The following CLASP2 variants were observed in gnomAD, a reference collection of about 807,000 sequenced individuals.
CLASP2 encodes the protein CLIP-associating protein 2.
Under a neutral mutation model 194.4 loss-of-function variants are expected in CLASP2, and 47 were observed. That is an observed-to-expected ratio of 0.24 (90% CI 0.19 to 0.31). The LOEUF (loss-of-function observed/expected upper bound fraction) is 0.31, where lower values mean the gene tolerates loss of function less well. Ranked by LOEUF, CLASP2 falls within the 10% of genes least tolerant of loss-of-function variation. CLASP2 has a pLI of 1.00. For missense variants in CLASP2, 1,445 were observed against 1,823.6 expected, an observed-to-expected ratio of 0.79 and a Z score of 3.78; for synonymous variants, 619 against 633.5, an observed-to-expected ratio of 0.98 and a Z score of 0.34.
intron 23 of CLASP2, among the ~76,000 whole-genome samples, chr3:33,579,946 G>A (rs1276126025): frequency 6.6e-6 from 1 of 152,144 alleles, no homozygotes; most frequent in Non-Finnish European, 1.5e-5. Flanking sequence ...ATATCCATGA[G>A]GATGCACCAC....
chr3:33,549,929 G>C (rs896785738), intron 30 of CLASP2, among the ~76,000 whole-genome samples: 1 of 151,678 alleles, frequency 6.6e-6, no homozygotes, highest in Non-Finnish European at 1.5e-5. Flanking sequence ...CAGAGACAGG[G>C]TTTCTCCACG....
intron 34 of CLASP2, among the ~76,000 whole-genome samples, chr3:33,522,272 G>C (rs1372093959): frequency 2.6e-5 from 4 of 152,106 alleles, no homozygotes; most frequent in African/African-American, 7.2e-5. Context: ...CATACACATG[G>C]AGAGTTAGAA....
intron 27 of CLASP2, among the ~76,000 whole-genome samples, chr3:33,565,791 GA>G (rs2062625673): frequency 6.6e-6 from 1 of 151,474 alleles, no homozygotes; most frequent in South Asian, 2.1e-4. Context: ...CAGCCTGGGT[GA>G]AAGAGCGAGA....
At chr3:33,713,049 A>C (rs1171900972) in intron 1 of CLASP2, among the ~76,000 whole-genome samples, 1 of 149,986 alleles carries the variant, frequency 6.7e-6, no homozygotes, top group African/African-American at 2.4e-5. Context: ...AGAAAGTGTG[A>C]ATCACCAGCA....
intron 9 of CLASP2, among the ~76,000 whole-genome samples, chr3:33,631,807 C>T (rs143894000): frequency 2.0e-5 from 3 of 151,460 alleles, no homozygotes; most frequent in Non-Finnish European, 4.4e-5. Context: ...TCCATCAATC[C>T]AAATGAATGA....
At chr3:33,658,735 T>G (rs1484502030) in intron 7 of CLASP2, among the ~76,000 whole-genome samples, 1 of 151,884 alleles carries the variant, frequency 6.6e-6, no homozygotes, top group Non-Finnish European at 1.5e-5. Flanking sequence ...CTTGCTTGGG[T>G]TGCAAGGTAA....
intron 7 of CLASP2, chr3:33,659,120 G>C (rs1321146456): frequency 1.2e-5 from 17 of 1,448,336 alleles, no homozygotes; most frequent in Non-Finnish European, 1.5e-5. Context: ...CCCAGGCCTC[G>C]CTGCAGCTCT....
At chr3:33,636,806 G>A (rs2080229131) in intron 8 of CLASP2, among the ~76,000 whole-genome samples, 1 of 152,050 alleles carries the variant, frequency 6.6e-6, no homozygotes, top group African/African-American at 2.4e-5. Context: ...TTACCATATT[G>A]GCCAGGCTGG....
chr3:33,555,305 G>C (rs1436990283), intron 29 of CLASP2, among the ~76,000 whole-genome samples: 5 of 151,474 alleles, frequency 3.3e-5, no homozygotes, highest in Non-Finnish European at 1.5e-5. Flanking sequence ...CAGGAAAAGA[G>C]ACTTCTGGTT....
chr3:33,517,226 A>G, intron 34 of CLASP2, 52 bp from the exon 35 acceptor site: 1 of 1,373,832 alleles, frequency 7.3e-7, no homozygotes, highest in Non-Finnish European at 9.9e-7. Flanking sequence ...TGACTCTCAC[A>G]AGTATGGGGA....
chr3:33,560,719 A>C, intron 28 of CLASP2, 89 bp downstream of exon 28: 1 of 1,149,516 alleles, frequency 8.7e-7, no homozygotes, highest in Non-Finnish European at 1.3e-6. Context: ...AATTGTTCAA[A>C]GGGACCCAGA....
chr3:33,695,357 A>G (rs932724277), intron 2 of CLASP2, among the ~76,000 whole-genome samples: 1 of 150,696 alleles, frequency 6.6e-6, no homozygotes. Context: ...CAGTGAGTCC[A>G]TGGGCCTACT....
At chr3:33,553,807 A>C (rs1163778982) in intron 29 of CLASP2, among the ~76,000 whole-genome samples, 3 of 152,350 alleles carry the variant, frequency 2.0e-5, no homozygotes, top group South Asian at 2.1e-4. Context: ...TCCTCAAAAA[A>C]TTAAAAATAG....
At chr3:33,597,756 CTTTTTTT>C (rs558732745) in intron 18 of CLASP2, among the ~76,000 whole-genome samples, 4 of 137,768 alleles carry the variant, frequency 2.9e-5, no homozygotes, top group Non-Finnish European at 4.7e-5. Flanking sequence ...TCTTTTCTTT[CTTTTTTT>C]TTTTTTTTTA....
Position 33,644,814 on chromosome 3 carries a change from C to T in CLASP2, c.805G>A (p.Gly269Arg), listed in dbSNP as rs749536394. The T allele has an allele frequency of 5.6e-6, 9 of 1,612,978 alleles. No individual in the cohort carries two copies. The highest frequency in any genetic ancestry group is 2.2e-5 in the East Asian group (1 of 44,872). ...AFKVPAPKTS[G>R]NPANSARKPG... The stretch of plus-strand genomic sequence containing the variant: ...TTCCTTGCACTGTTGGCAGGATTTC[C>T]GGATGTTTTAGGTGCAGGAACCTTG... The change falls in exon 8 of 39, where the codon GGA (glycine) becomes AGA (arginine). Residue 269 changes from glycine to arginine, a missense_variant. Gly to Arg is a moderately radical substitution (Grantham distance 125). This residue lies in a region of CLASP2 where 207 missense variants were observed against 331.4 expected (regional missense o/e 0.62). Transcript: ENST00000682230.
chr3:33,698,350 G>A (rs1190046404), intron 1 of CLASP2, among the ~76,000 whole-genome samples: 1 of 152,072 alleles, frequency 6.6e-6, no homozygotes, highest in Non-Finnish European at 1.5e-5. Context: ...ATAATTAAAG[G>A]TCTCTAGTTG....
At chr3:33,667,099 A>G (rs1213195339) in intron 6 of CLASP2, among the ~76,000 whole-genome samples, 1 of 152,144 alleles carries the variant, frequency 6.6e-6, no homozygotes, top group Non-Finnish European at 1.5e-5. Context: ...TATAACAGTC[A>G]AGATACGTGT....
intron 7 of CLASP2, among the ~76,000 whole-genome samples, chr3:33,662,608 A>G (rs1437878977): frequency 6.6e-6 from 1 of 152,196 alleles, no homozygotes; most frequent in Non-Finnish European, 1.5e-5. Flanking sequence ...CCCAAAGAAC[A>G]GTAACTAAAT....
chr3:33,515,351 C>T (rs1409809784), intron 36 of CLASP2, among the ~76,000 whole-genome samples: 13 of 152,238 alleles, frequency 8.5e-5, no homozygotes, highest in Admixed American at 7.8e-4. Flanking sequence ...AACAGGTTCA[C>T]GGAACTCTTC....
Sources: allele counts gnomAD v4.1 joint callset (sites outside exome capture counted in the v4.1 genomes callset), GRCh38; gene constraint gnomAD v4.1.1; regional missense constraint gnomAD v4.1.1; transcripts MANE v1.5; gene names NCBI Gene and HGNC (gene_info 2026-07-23, HGNC 2026-07-21).